The following KCNH2 variants were observed in gnomAD, a reference collection of about 807,000 sequenced individuals.
The protein encoded by KCNH2 is voltage-gated inwardly rectifying potassium channel KCNH2.
In KCNH2, 35 loss-of-function variants were observed where a neutral mutation model predicts 95.9. The observed-to-expected ratio is 0.37, with a 90% CI of 0.28 to 0.48. KCNH2 has a LOEUF of 0.48. KCNH2 is among the 20% of genes least tolerant of loss of function. The probability of loss-of-function intolerance (pLI) is 0.99; values close to 1 mark genes in which losing one functional copy is unlikely to be tolerated. For synonymous variants in KCNH2, 786 were observed against 754.7 expected (o/e 1.04, Z -0.68); for missense variants, 1,274 against 1,702.9 (o/e 0.75, Z 4.43).
Position 150,950,383 on chromosome 7 carries a change from A to G in KCNH2, c.2183T>C (p.Ile728Thr). The G allele has an allele frequency of 6.2e-7, 1 of 1,612,448 alleles. No individual in the cohort carries two copies. Among genetic ancestry groups the G allele is most frequent in the Non-Finnish European group, 8.5e-7 (1 of 1,179,794 alleles). ...CAGTGAGCGGTTCAGGTGCAGGCAG[A>G]TGTCAGCCTGCAGGCACTCAGGGAA... is the stretch of plus-strand genomic sequence containing the variant. ...KGFPECLQADICLHLNRSLLQ... is the reference protein window; with the variant it reads ...KGFPECLQADTCLHLNRSLLQ... The change falls in exon 9 of 15, where the codon ATC becomes ACC. Residue 728 changes from isoleucine (I) to threonine (T), a missense_variant. Ile to Thr is a moderately conservative substitution (Grantham distance 89). Transcript: ENST00000262186.
chr7:150,962,393 G>A lies in KCNH2; in HGVS notation c.308-2657C>T, dbSNP rs1315259658. 6.6e-6 allele frequency among the ~76,000 whole-genome samples: 1 copy of A among 152,108 alleles called. No individual in the cohort carries two copies. Among genetic ancestry groups the A allele is most frequent in the Non-Finnish European group, 1.5e-5 (1 of 68,028 alleles). ...CCAAGATGGACTCAAACTTCAGAAT[G>A]GGCTGGAGACTGTCCCCAACACAGG... On this transcript the variant is annotated intron_variant, in intron 2 of 14. Transcript: ENST00000262186. This position sits in a 1 kb window ranked among gnomAD's most constrained non-coding sequence, Gnocchi z 5.7.
At chr7:150,953,446 A>G (rs1801259115) in intron 5 of KCNH2, among the ~76,000 whole-genome samples, 1 of 152,178 alleles carries the variant, frequency 6.6e-6, no homozygotes, top group Non-Finnish European at 1.5e-5. Context: ...GGTCCGGGAC[A>G]GCCCACAGTC....
Position 150,945,298 on chromosome 7 carries a change from C to T in KCNH2, c.*67G>A. ...GGTCAGGGCCTCCTGAGCAGGGCCT[C>T]CAAGGGGAGCGGCCCAGCAGCGCCT... On this transcript the variant is annotated 3_prime_UTR_variant, in exon 15 of 15. Transcript: ENST00000262186. This position sits in a 1 kb window ranked among gnomAD's most constrained non-coding sequence, Gnocchi z 5.6. 6.6e-7 allele frequency: 1 copy of T among 1,518,246 alleles called. No homozygotes were observed. The highest frequency in any genetic ancestry group is 8.9e-7 in the Non-Finnish European group (1 of 1,124,888). The allele number at this position is 1,518,246 out of a possible 1,614,324, so 94.0% of individuals were successfully genotyped here.
chr7:150,948,813 T>C lies in KCNH2; in HGVS notation c.2592+43A>G, dbSNP rs770644364. On this transcript the variant is annotated intron_variant, in intron 10 of 14. Coordinates refer to ENST00000262186, the MANE Select transcript of KCNH2 (RefSeq NM_000238.4). ...CACAGCAAAGGGGCAGCCACACAGC[T>C]GGAAGCAGGAGGATGGGGTCCAGCT... 5.1e-6 allele frequency: 8 copies of C among 1,574,104 alleles called. No homozygotes were observed. In the Admixed American group the frequency reaches 8.4e-5, roughly 16 times the overall value.
intron 9 of KCNH2, chr7:150,949,818 GC>G (rs1475372189): frequency 2.4e-6 from 3 of 1,242,086 alleles, no homozygotes; most frequent in Non-Finnish European, 3.1e-6. Flanking sequence ...GAACCACATG[GC>G]CCTTAGTGAA....
intron 2 of KCNH2, among the ~76,000 whole-genome samples, 170 bp downstream of exon 2, chr7:150,974,541 C>A (rs987619892): frequency 1.3e-5 from 2 of 152,192 alleles, no homozygotes; most frequent in East Asian, 1.9e-4. Context: ...CTCCCACAGG[C>A]ACACCGCAGG....
chr7:150,949,267 G>T (rs1801043079), intron 9 of KCNH2: 2 of 1,282,486 alleles, frequency 1.6e-6, no homozygotes, highest in Non-Finnish European at 2.1e-6. Flanking sequence ...CAGGAGCCCA[G>T]GGTCTCCCAG....
intron 2 of KCNH2, among the ~76,000 whole-genome samples, chr7:150,969,908 T>A (rs1584878221): frequency 6.6e-6 from 1 of 152,054 alleles, no homozygotes; most frequent in Non-Finnish European, 1.5e-5. Flanking sequence ...TGGGCAAGAC[T>A]AAGGACATGG....
intron 1 of KCNH2, among the ~76,000 whole-genome samples, chr7:150,976,385 C>G (rs1225342071): frequency 6.6e-6 from 1 of 152,144 alleles, no homozygotes; most frequent in Non-Finnish European, 1.5e-5. Context: ...ACCTCCCAGG[C>G]AGCCATCAAT....
In KCNH2 at chr7:150,952,915, G is replaced by A. The variant is rs1038502868; in HGVS notation, c.1129-62C>T. The A allele has an allele frequency of 3.2e-5, 48 of 1,516,022 alleles. No homozygotes were observed. Among genetic ancestry groups the A allele is most frequent in the Admixed American group, 5.1e-5 (3 of 58,944 alleles). The allele number at this position is 1,516,022 out of a possible 1,614,324, so 93.9% of individuals were successfully genotyped here. A position where few individuals can be genotyped will look rare whatever the true frequency, so the allele number is the denominator to read the frequency against. ...GCCATGGGACCTCGGGGGCAGGAGC[G>A]ATGACATCTCTGCCGGGGCCAAGCA... On this transcript the variant is annotated intron_variant, in intron 5 of 14. Transcript: ENST00000262186. The surrounding 1 kb of genome is among the most constrained non-coding windows in gnomAD (Gnocchi z 7.3).
chr7:150,972,399 C>T lies in KCNH2; in HGVS notation c.307+2312G>A, dbSNP rs149070889. Among the ~76,000 whole-genome samples the T allele has an allele frequency of 7.5e-4, 114 of 152,238 alleles. 1 individual carries two copies. The highest frequency in any genetic ancestry group is 1.3e-3 in the Non-Finnish European group (90 of 68,048). On this transcript the variant is annotated intron_variant, in intron 2 of 14. Coordinates refer to ENST00000262186, the MANE Select transcript of KCNH2 (RefSeq NM_000238.4). ...GAGTACACACACAGGCACGCACACA[C>T]GCAGCCCAAGCCAGGTCCCGGGGAT...
rs2117023408 is a variant in KCNH2, at chr7:150,962,665, G to A, written c.308-2929C>T. ...AGAGAGAGAGAGAGGAGTGACTGCT[G>A]GCCCTCTTCCTTTGTCGAGATTCAA... is the stretch of plus-strand genomic sequence containing the variant. On this transcript the variant is annotated intron_variant, in intron 2 of 14. Coordinates refer to ENST00000262186, the MANE Select transcript of KCNH2 (RefSeq NM_000238.4). This position sits in a 1 kb window ranked among gnomAD's most constrained non-coding sequence, Gnocchi z 5.7. Among the ~76,000 whole-genome samples the A allele has an allele frequency of 7.0e-6, 1 of 143,298 alleles. No individual in the cohort carries two copies. The highest frequency in any genetic ancestry group is 1.5e-5 in the Non-Finnish European group (1 of 65,904). 94.0% of individuals were successfully genotyped at this position (143,298 alleles called of 152,430 possible).
At position 150,978,094 on chromosome 7, in the gene KCNH2, C is replaced by A; in HGVS notation, c.-181G>T. The A allele has an allele frequency of 5.3e-6, 1 of 187,030 alleles. No homozygotes were observed. Among genetic ancestry groups the A allele is most frequent in the South Asian group, 1.8e-4 (1 of 5,514 alleles). 11.6% of individuals were successfully genotyped at this position (187,030 alleles called of 1,614,324 possible). On this transcript the variant is annotated 5_prime_UTR_variant, in exon 1 of 15. Transcript: ENST00000262186. ...CTCGCTCGGCTCCCGGCTCCCCGCT[C>A]CGGACCCCGGGCCCGGCCTGGAGCC...
intron 1 of KCNH2, among the ~76,000 whole-genome samples, chr7:150,977,087 C>T (rs966116446): frequency 6.6e-6 from 1 of 152,142 alleles, no homozygotes; most frequent in African/African-American, 2.4e-5. Context: ...CTTCTAGAAG[C>T]CTCCCTACCA....
chr7:150,958,120 GGCC>G lies in KCNH2; in HGVS notation c.852_854del (p.Ala285del). On this transcript the variant is annotated inframe_deletion, in exon 4 of 15. Transcript: ENST00000262186. Reference sequence around the variant, plus strand: ...CGGCGCGCATGGCCTCGATGTCGTCGGCCGACGAGGCGCGGCGCACGCTGGCGC... The same window carrying G: ...CGGCGCGCATGGCCTCGATGTCGTCGGACGAGGCGCGGCGCACGCTGGCGC... 1.5e-6 allele frequency: 2 copies of G among 1,300,102 alleles called. No individual in the cohort carries two copies. The highest frequency in any genetic ancestry group is 1.9e-6 in the Non-Finnish European group (2 of 1,028,624). The allele number at this position is 1,300,102 out of a possible 1,614,324, so 80.5% of individuals were successfully genotyped here.
intron 7 of KCNH2, 152 bp from the exon 8 acceptor site, chr7:150,951,272 C>T: frequency 9.8e-7 from 1 of 1,016,072 alleles, no homozygotes; most frequent in Non-Finnish European, 1.5e-6. Context: ...CAGCACACCC[C>T]ACCCTTCAGT....
intron 2 of KCNH2, among the ~76,000 whole-genome samples, chr7:150,968,356 TC>T (rs1801757121): frequency 2.6e-5 from 4 of 152,170 alleles, no homozygotes; most frequent in Admixed American, 2.6e-4. Flanking sequence ...CATTGTGGGG[TC>T]CCTCCCCGGG....
chr7:150,949,362 G>T, intron 9 of KCNH2: 2 of 1,185,556 alleles, frequency 1.7e-6, no homozygotes, highest in Non-Finnish European at 1.1e-6. Context: ...TATAAGCAAT[G>T]TTCTTCAAAC....
At chr7:150,957,620 C>T (rs1413891410) in intron 4 of KCNH2, 118 bp from the exon 5 acceptor site, 1 of 770,688 alleles carries the variant, frequency 1.3e-6, no homozygotes, top group African/African-American at 1.7e-5. Context: ...GGGGTCAGCT[C>T]AAGAGACCAG....
Sources: allele counts gnomAD v4.1 joint callset (sites outside exome capture counted in the v4.1 genomes callset), GRCh38; gene constraint gnomAD v4.1.1; non-coding constraint Gnocchi (gnomAD v3.1); transcripts MANE v1.5; gene names NCBI Gene and HGNC (gene_info 2026-07-23, HGNC 2026-07-21).